CSMD1: variants seen among roughly 807,000 people sequenced by gnomAD.
CSMD1 encodes CUB and Sushi multiple domains 1, also known as CUB and sushi domain-containing protein 1.
CSMD1 carries 213 observed loss-of-function variants against 417.5 expected under a neutral mutation model. The ratio of observed to expected loss-of-function variants is 0.51; its 90% CI spans 0.46 to 0.57. The LOEUF (loss-of-function observed/expected upper bound fraction) is 0.57. Among genes scored for constraint, CSMD1 ranks in the 20% least tolerant of loss-of-function variants. CSMD1 has a pLI of 0.00. For missense variants in CSMD1, 6,923 were observed against 4,529.7 expected (o/e 1.53, Z -15.17); for synonymous variants, 2,862 against 1,736.8 (o/e 1.65, Z -16.11).
At chr8:3,758,630 T>C (rs1797809774) in intron 5 of CSMD1, among the ~76,000 whole-genome samples, 1 of 152,208 alleles carries the variant, frequency 6.6e-6, no homozygotes, top group African/African-American at 2.4e-5. Context: ...TAGGTGAAAT[T>C]GTGAACTCTC....
intron 26 of CSMD1, among the ~76,000 whole-genome samples, chr8:3,236,490 G>C (rs1563170368): frequency 6.6e-6 from 1 of 152,162 alleles, no homozygotes; most frequent in South Asian, 2.1e-4. Flanking sequence ...CATCGGTTGG[G>C]TCTTTGAAAC....
chr8:3,539,625 C>G (rs1174937358), intron 10 of CSMD1, among the ~76,000 whole-genome samples: 2 of 152,148 alleles, frequency 1.3e-5, no homozygotes, highest in Admixed American at 1.3e-4. Flanking sequence ...TAAATCCCAG[C>G]AAGGCTCCCT....
rs913427677 is a variant in CSMD1 at position 3,875,938 on chromosome 8, C to G, written c.819-121896G>C. 5.3e-5 allele frequency among the ~76,000 whole-genome samples: 8 copies of G among 152,106 alleles called. 1 individual carries two copies. The highest frequency in any genetic ancestry group is 2.6e-4 in the Admixed American group (4 of 15,268). ...TCTTTATGAGGAGATCAATGGGAAG[C>G]TCGGAGGCAAATTTATGGAGTAACT... On this transcript the variant is annotated intron_variant, in intron 5 of 69. Transcript: ENST00000635120.
chr8:3,704,805 T>G (rs1169180058), intron 7 of CSMD1: 1 of 152,278 alleles, frequency 6.6e-6, no homozygotes, highest in East Asian at 1.9e-4. Context: ...TCCCATTCCT[T>G]GTCATGATCT....
intron 2 of CSMD1, among the ~76,000 whole-genome samples, chr8:4,583,626 G>A (rs868417718): frequency 6.6e-6 from 1 of 152,170 alleles, no homozygotes; most frequent in Non-Finnish European, 1.5e-5. Flanking sequence ...CTCTGGTGGG[G>A]CCTTGGAGAA....
intron 41 of CSMD1, among the ~76,000 whole-genome samples, chr8:3,135,610 T>C (rs1818031241): frequency 6.8e-6 from 1 of 146,178 alleles, no homozygotes; most frequent in Admixed American, 6.7e-5. Context: ...TTCTTCCCCT[T>C]TAAAACACGC....
chr8:4,357,220 G>A (rs1292598075), intron 3 of CSMD1, among the ~76,000 whole-genome samples: 1 of 152,128 alleles, frequency 6.6e-6, no homozygotes, highest in Non-Finnish European at 1.5e-5. Context: ...GTTTTCAGTT[G>A]AAAGAGCCTC....
chr8:3,362,477 C>T (rs1027840262), intron 20 of CSMD1, among the ~76,000 whole-genome samples: 2 of 152,166 alleles, frequency 1.3e-5, no homozygotes, highest in African/African-American at 4.8e-5. Flanking sequence ...TTTCTTAGCT[C>T]CCTGGATGCC....
At chr8:4,816,888 C>T (rs945459581) in intron 1 of CSMD1, among the ~76,000 whole-genome samples, 1 of 152,044 alleles carries the variant, frequency 6.6e-6, no homozygotes, top group African/African-American at 2.4e-5. Flanking sequence ...CAGTCACATG[C>T]CCTCTGAGGT....
intron 10 of CSMD1, among the ~76,000 whole-genome samples, chr8:3,538,792 A>G (rs549630412): frequency 6.6e-6 from 1 of 152,214 alleles, no homozygotes; most frequent in East Asian, 1.9e-4. Flanking sequence ...ACACTTCTCC[A>G]CTTGCACCAA....
intron 1 of CSMD1, among the ~76,000 whole-genome samples, chr8:4,834,068 A>C (rs1800313191): frequency 6.6e-6 from 1 of 152,160 alleles, no homozygotes; most frequent in Admixed American, 6.6e-5. Flanking sequence ...ATGTAATTTT[A>C]CTATTGGACT....
intron 1 of CSMD1, among the ~76,000 whole-genome samples, chr8:4,985,921 G>A (rs957814913): frequency 1.6e-4 from 25 of 152,144 alleles, no homozygotes; most frequent in African/African-American, 5.1e-4. Flanking sequence ...TTTGGAGTGC[G>A]CAGAAATTGT....
intron 50 of CSMD1, among the ~76,000 whole-genome samples, chr8:3,049,093 G>A (rs780755620): frequency 7.9e-5 from 12 of 152,074 alleles, no homozygotes; most frequent in Non-Finnish European, 1.5e-4. Flanking sequence ...AGATGCTCGC[G>A]ACAACGTGGG....
chr8:4,213,954 A>G (rs931549144), intron 3 of CSMD1, among the ~76,000 whole-genome samples: 3 of 152,360 alleles, frequency 2.0e-5, no homozygotes, highest in South Asian at 2.1e-4. Flanking sequence ...ATGTAACCAC[A>G]GTGCATTTAA....
chr8:4,020,065 A>G (rs1187351267), intron 4 of CSMD1, among the ~76,000 whole-genome samples: 3 of 152,096 alleles, frequency 2.0e-5, no homozygotes, highest in Non-Finnish European at 4.4e-5. Context: ...GGGAGAGGAG[A>G]TAGAGACAGT....
In CSMD1 at chr8:4,826,736, C is replaced by T. The variant is rs534653224; in HGVS notation, c.85+167596G>A. ...TTCGTGACCCTCATGCCCCATAACCCAATGGAGAGACAGTTCTGTTTTAAA... is the reference window on the plus strand; with the variant it reads ...TTCGTGACCCTCATGCCCCATAACCTAATGGAGAGACAGTTCTGTTTTAAA... On this transcript the variant is annotated intron_variant, in intron 1 of 69. Transcript: ENST00000635120. Among the ~76,000 whole-genome samples the T allele has an allele frequency of 3.3e-5, 5 of 152,176 alleles. No homozygotes were observed. The South Asian group carries it at 1.0e-3, about 32-fold the overall frequency.
chr8:2,965,734 T>G, intron 59 of CSMD1, 41 bp downstream of exon 59: 1 of 1,537,876 alleles, frequency 6.5e-7, no homozygotes, highest in Admixed American at 1.9e-5. Context: ...AATAAAGACT[T>G]CTATACACAT....
chr8:2,997,919 C>A, intron 54 of CSMD1, 92 bp downstream of exon 54: 1 of 1,266,274 alleles, frequency 7.9e-7, no homozygotes, highest in African/African-American at 1.5e-5. Flanking sequence ...TATGCATTAC[C>A]CTTGATTCAT....
chr8:3,682,495 C>G lies in CSMD1; in HGVS notation c.1009+25919G>C, dbSNP rs746217783. On this transcript the variant is annotated intron_variant, in intron 7 of 69. Coordinates refer to ENST00000635120, the MANE Select transcript of CSMD1 (RefSeq NM_033225.6). Reference sequence around the variant, plus strand: ...TGCAAATCACAACCACAATGAGATACCATCTCACAACAGTTGGAATGGCGA... The same window carrying G: ...TGCAAATCACAACCACAATGAGATAGCATCTCACAACAGTTGGAATGGCGA... Among the ~76,000 whole-genome samples the G allele has an allele frequency of 1.1e-4, 17 of 152,134 alleles. 1 individual carries two copies. The highest frequency in any genetic ancestry group is 2.5e-4 in the Non-Finnish European group (17 of 68,022).
Sources: allele counts gnomAD v4.1 joint callset (sites outside exome capture counted in the v4.1 genomes callset), GRCh38; gene constraint gnomAD v4.1.1; transcripts MANE v1.5; gene names NCBI Gene and HGNC (gene_info 2026-07-23, HGNC 2026-07-21).